Variants in HMGCLL1 observed in about 807,000 individuals in gnomAD.
HMGCLL1 encodes the protein 3-hydroxymethyl-3-methylglutaryl-CoA lyase, cytoplasmic.
Under a neutral mutation model 39.1 loss-of-function variants are expected in HMGCLL1, and 36 were observed. The ratio of observed to expected loss-of-function variants is 0.92; its 90% CI spans 0.71 to 1.22. HMGCLL1 has a LOEUF of 1.22. Ranked by LOEUF, HMGCLL1 falls within the 50% of genes most tolerant of loss-of-function variation. HMGCLL1 has a pLI of 0.00. For missense variants in HMGCLL1, 451 were observed against 416.5 expected (o/e 1.08, Z -0.72); for synonymous variants, 149 against 144.0 (o/e 1.03, Z -0.25).
chr6:55,548,108 A>G (rs1344050578), intron 1 of HMGCLL1, among the ~76,000 whole-genome samples: 1 of 152,064 alleles, frequency 6.6e-6, no homozygotes, highest in African/African-American at 2.4e-5. Context: ...CTATTATGTC[A>G]TCTAAGACTC....
At chr6:55,563,196 C>T (rs749784938) in intron 1 of HMGCLL1, among the ~76,000 whole-genome samples, 24 of 152,054 alleles carry the variant, frequency 1.6e-4, no homozygotes, top group East Asian at 5.8e-4. Flanking sequence ...TATAAACACT[C>T]GGAAAGTATT....
chr6:55,458,488 G>A (rs1764423128), intron 7 of HMGCLL1, among the ~76,000 whole-genome samples: 1 of 152,164 alleles, frequency 6.6e-6, no homozygotes, highest in African/African-American at 2.4e-5. Flanking sequence ...TGAACGAAGT[G>A]GGAGGTTAAC....
chr6:55,549,857 A>G (rs936592578), intron 1 of HMGCLL1, among the ~76,000 whole-genome samples: 18 of 151,990 alleles, frequency 1.2e-4, no homozygotes, highest in African/African-American at 4.4e-4. Flanking sequence ...GCTTTATAAT[A>G]CACTCTATTA....
chr6:55,551,481 G>A (rs1167807662), intron 1 of HMGCLL1, among the ~76,000 whole-genome samples: 1 of 151,824 alleles, frequency 6.6e-6, no homozygotes, highest in East Asian at 1.9e-4. Context: ...AGAAGCTTCT[G>A]AAATCTCTCC....
intron 5 of HMGCLL1, among the ~76,000 whole-genome samples, chr6:55,508,935 T>C (rs1767301649): frequency 6.6e-6 from 1 of 151,262 alleles, no homozygotes; most frequent in African/African-American, 2.4e-5. Context: ...TCATGAGAAA[T>C]GATTAAACAT....
chr6:55,666,374 AGAAATCAGTTACTGTACTTTGT>A, the HMGCLL1 span, among the ~76,000 whole-genome samples: 3 of 151,834 alleles, frequency 2.0e-5, no homozygotes, highest in Admixed American at 1.3e-4. Context: ...TCAAAGTTTC[AGAAATCAGTTACTGTACTTTGT>A]GAAGTGCCCG....
chr6:55,463,156 G>T (rs1213793967), intron 7 of HMGCLL1, among the ~76,000 whole-genome samples: 1 of 150,656 alleles, frequency 6.6e-6, no homozygotes, highest in Admixed American at 6.6e-5. Flanking sequence ...TCAACCTCCC[G>T]AGTAGCTGGA....
intron 5 of HMGCLL1, among the ~76,000 whole-genome samples, chr6:55,511,687 T>G (rs1223060151): frequency 1.3e-5 from 2 of 152,076 alleles, no homozygotes; most frequent in Non-Finnish European, 2.9e-5. Flanking sequence ...CTTAAATAGG[T>G]ACTAATGGCT....
the HMGCLL1 span, among the ~76,000 whole-genome samples, chr6:55,595,986 G>T: frequency 6.6e-6 from 1 of 152,118 alleles, no homozygotes; most frequent in African/African-American, 2.4e-5. Flanking sequence ...GGTATCAAAT[G>T]TTTTGTAAAA....
chr6:55,524,662 T>C (rs116329327), intron 3 of HMGCLL1, among the ~76,000 whole-genome samples: 2,209 of 151,980 alleles, frequency 0.015, 33 homozygotes, highest in Non-Finnish European at 0.025. Flanking sequence ...TAGATAGTGG[T>C]AAATGACTCT....
intron 7 of HMGCLL1, among the ~76,000 whole-genome samples, chr6:55,463,049 G>C (rs1255545868): frequency 7.6e-6 from 1 of 131,280 alleles, no homozygotes; most frequent in Admixed American, 8.1e-5. Context: ...TTTTTTTTCT[G>C]AGATGGAGTC....
chr6:55,599,924 T>A, the HMGCLL1 span, among the ~76,000 whole-genome samples: 1 of 152,186 alleles, frequency 6.6e-6, no homozygotes, highest in South Asian at 2.1e-4. Flanking sequence ...AATGATTCTG[T>A]GAAAGGTGTT....
intron 5 of HMGCLL1, among the ~76,000 whole-genome samples, chr6:55,501,863 G>C (rs1230153352): frequency 6.6e-6 from 1 of 151,872 alleles, no homozygotes; most frequent in East Asian, 1.9e-4. Flanking sequence ...ACATGGACCT[G>C]ACCGTATCTA....
the HMGCLL1 span, among the ~76,000 whole-genome samples, chr6:55,627,624 A>G: frequency 2.0e-5 from 3 of 151,176 alleles, no homozygotes; most frequent in Non-Finnish European, 4.4e-5. Context: ...TGAGGAAGGC[A>G]GATCCACCCT....
intron 1 of HMGCLL1, among the ~76,000 whole-genome samples, chr6:55,560,884 C>T (rs1770912888): frequency 1.3e-5 from 2 of 152,088 alleles, no homozygotes; most frequent in Admixed American, 1.3e-4. Flanking sequence ...TTGGATGCAA[C>T]CTTTATCAGC....
intron 5 of HMGCLL1, among the ~76,000 whole-genome samples, chr6:55,506,404 GA>G (rs35099747): frequency 0.68 from 102,231 of 151,312 alleles, 34,560 homozygotes; most frequent in Non-Finnish European, 0.7. Flanking sequence ...GAGCCACGTG[GA>G]AAAAGTGTTA....
chr6:55,567,192 G>A (rs935944647), intron 1 of HMGCLL1, among the ~76,000 whole-genome samples: 5 of 152,024 alleles, frequency 3.3e-5, no homozygotes, highest in African/African-American at 1.2e-4. Flanking sequence ...AAGTATTGAG[G>A]TTGGCCATTG....
At chr6:55,604,876 A>C in the HMGCLL1 span, among the ~76,000 whole-genome samples, 5 of 152,194 alleles carry the variant, frequency 3.3e-5, no homozygotes, top group African/African-American at 1.2e-4. Context: ...TACATGTATT[A>C]ATTTTCCACT....
At chr6:55,492,128 C>A (rs1043252318) in intron 7 of HMGCLL1, among the ~76,000 whole-genome samples, 5 of 152,094 alleles carry the variant, frequency 3.3e-5, no homozygotes, top group Admixed American at 3.3e-4. Flanking sequence ...TAAACTGTTT[C>A]TGCACCCCTA....
Sources: gnomAD v4.1 joint callset for allele counts (sites outside exome capture counted in the v4.1 genomes callset) on GRCh38, gnomAD v4.1.1 for gene constraint, MANE v1.5 for transcripts, NCBI Gene and HGNC (gene_info 2026-07-23, HGNC 2026-07-21) for gene names.